NLGN1: variants seen among roughly 807,000 people sequenced by gnomAD.
NLGN1 encodes neuroligin-1.
In NLGN1, 12 loss-of-function variants were observed where a neutral mutation model predicts 65.5. That is an observed-to-expected ratio of 0.18 (90% CI 0.12 to 0.30). NLGN1 has a LOEUF of 0.30. Among genes scored for constraint, NLGN1 ranks in the 10% least tolerant of loss-of-function variants. NLGN1 has a pLI of 1.00. For missense variants in NLGN1, 750 were observed against 1,007.1 expected, an observed-to-expected ratio of 0.74 and a Z score of 3.46; for synonymous variants, 350 against 359.5, an observed-to-expected ratio of 0.97 and a Z score of 0.30.
chr3:174,190,381 T>G (rs1275856808), intron 4 of NLGN1, among the ~76,000 whole-genome samples: 1 of 151,966 alleles, frequency 6.6e-6, no homozygotes, highest in East Asian at 1.9e-4. Flanking sequence ...AACATGCAAT[T>G]TTTGAAGGTG....
intron 2 of NLGN1, among the ~76,000 whole-genome samples, chr3:173,480,918 G>A (rs1195894878): frequency 3.9e-5 from 6 of 152,038 alleles, no homozygotes; most frequent in African/African-American, 4.8e-5. Context: ...ATGAGTGTAC[G>A]TGTATGTGTG....
intron 4 of NLGN1, among the ~76,000 whole-genome samples, chr3:173,815,321 AT>A (rs1198136927): frequency 1.3e-5 from 2 of 151,812 alleles, no homozygotes; most frequent in African/African-American, 4.8e-5. Flanking sequence ...GTTAGCAAGG[AT>A]GGTCTCAATC....
At chr3:174,069,257 G>C (rs1739317875) in intron 4 of NLGN1, among the ~76,000 whole-genome samples, 1 of 152,196 alleles carries the variant, frequency 6.6e-6, no homozygotes, top group South Asian at 2.1e-4. Context: ...AAGTGCATAA[G>C]AGGAATTTAA....
chr3:173,938,302 C>A (rs937630708), intron 4 of NLGN1, among the ~76,000 whole-genome samples: 1 of 152,140 alleles, frequency 6.6e-6, no homozygotes, highest in Admixed American at 6.5e-5. Flanking sequence ...TGAGCAAGTG[C>A]CCCTCCATAG....
At chr3:173,849,351 A>G (rs1397377083) in intron 4 of NLGN1, among the ~76,000 whole-genome samples, 1 of 152,052 alleles carries the variant, frequency 6.6e-6, no homozygotes, top group Admixed American at 6.6e-5. Context: ...ATGTTTGACA[A>G]ATTTAATCCC....
At chr3:173,823,380 T>G (rs1720700597) in intron 4 of NLGN1, among the ~76,000 whole-genome samples, 2 of 152,120 alleles carry the variant, frequency 1.3e-5, no homozygotes, top group Non-Finnish European at 2.9e-5. Flanking sequence ...TCGTTCAAAC[T>G]AATATATCCA....
chr3:174,068,910 G>A (rs1739230813), intron 4 of NLGN1, among the ~76,000 whole-genome samples: 1 of 152,100 alleles, frequency 6.6e-6, no homozygotes, highest in African/African-American at 2.4e-5. Flanking sequence ...CCGATGCTGT[G>A]GGGTAATTCT....
At chr3:173,914,407 T>A (rs900351861) in intron 4 of NLGN1, among the ~76,000 whole-genome samples, 4 of 152,022 alleles carry the variant, frequency 2.6e-5, no homozygotes, top group Non-Finnish European at 1.5e-5. Flanking sequence ...ATGAAGCATG[T>A]GAAGCATGGA....
Position 174,219,128 on chromosome 3 carries a change from A to G in NLGN1, c.647-56187A>G, listed in dbSNP as rs143922401. Among the ~76,000 whole-genome samples, 13 of 152,252 alleles carry G rather than the reference A, an allele frequency of 8.5e-5. No individual in the cohort carries two copies. In the East Asian group the frequency reaches 2.3e-3, roughly 27 times the overall value. On this transcript the variant is annotated intron_variant, in intron 4 of 6. Coordinates refer to ENST00000457714, the Ensembl canonical transcript of NLGN1. ...TTCCTATTTTCTGAAATTCTGGCAA[A>G]TGATGTCAATAGCACCAGCTAGTGC...
chr3:174,255,068 T>A (rs1745428295), intron 4 of NLGN1, among the ~76,000 whole-genome samples: 1 of 152,092 alleles, frequency 6.6e-6, no homozygotes, highest in Non-Finnish European at 1.5e-5. Context: ...CAGCTACAAA[T>A]GAACGTCTAG....
At chr3:174,124,274 G>C (rs1718388309) in intron 4 of NLGN1, among the ~76,000 whole-genome samples, 1 of 151,930 alleles carries the variant, frequency 6.6e-6, no homozygotes, top group African/African-American at 2.4e-5. Context: ...CATTGTCACT[G>C]GTATCATTGT....
intron 4 of NLGN1, among the ~76,000 whole-genome samples, chr3:174,217,339 CAT>C (rs766575143): frequency 1.3e-5 from 2 of 152,098 alleles, no homozygotes; most frequent in Non-Finnish European, 2.9e-5. Context: ...CAAATGAAAA[CAT>C]AATCTACAGT....
chr3:173,604,481 C>A, exon 3 of NLGN1: 13 of 1,136,188 alleles, frequency 1.1e-5, no homozygotes, highest in Non-Finnish European at 1.6e-5. Flanking sequence ...GAGCTTTTCT[C>A]GACAAGCTCC....
chr3:174,265,657 G>A (rs1747950264), intron 4 of NLGN1, among the ~76,000 whole-genome samples: 1 of 151,562 alleles, frequency 6.6e-6, no homozygotes, highest in African/African-American at 2.4e-5. Flanking sequence ...ACTCATGCTG[G>A]GAGCTGTAGA....
chr3:173,958,246 C>A (rs1712610511), intron 4 of NLGN1, among the ~76,000 whole-genome samples: 1 of 152,180 alleles, frequency 6.6e-6, no homozygotes. Flanking sequence ...TTGGCAGATT[C>A]CAAGTTCCTG....
chr3:174,158,483 T>C (rs9881018), intron 4 of NLGN1, among the ~76,000 whole-genome samples: 4,363 of 151,648 alleles, frequency 0.029, 156 homozygotes, highest in African/African-American at 0.076. Context: ...TGAAATTCCC[T>C]GGAAAGTCAT....
intron 4 of NLGN1, among the ~76,000 whole-genome samples, chr3:173,821,477 A>G (rs1047525451): frequency 3.3e-5 from 5 of 152,136 alleles, no homozygotes; most frequent in African/African-American, 1.2e-4. Flanking sequence ...GCTTTAAGAA[A>G]TACTCTTTAT....
chr3:173,865,606 A>G (rs1001019486), intron 4 of NLGN1, among the ~76,000 whole-genome samples: 1 of 152,182 alleles, frequency 6.6e-6, no homozygotes, highest in Admixed American at 6.6e-5. Flanking sequence ...AACTTGATCA[A>G]GATTACCCAG....
chr3:173,686,018 A>G (rs372002476), intron 3 of NLGN1, among the ~76,000 whole-genome samples: 3 of 152,336 alleles, frequency 2.0e-5, no homozygotes, highest in African/African-American at 4.8e-5. Flanking sequence ...ATCATTAACC[A>G]TGCTCATTTG....
Sources: gnomAD v4.1 joint callset for allele counts (sites outside exome capture counted in the v4.1 genomes callset) on GRCh38, gnomAD v4.1.1 for gene constraint, MANE v1.5 for transcripts, NCBI Gene and HGNC (gene_info 2026-07-23, HGNC 2026-07-21) for gene names.